Variants in OPA1 observed in about 807,000 individuals in gnomAD.
OPA1 encodes the protein dynamin-like GTPase OPA1, mitochondrial.
Under a neutral mutation model 152.9 loss-of-function variants are expected in OPA1, and 59 were observed. The observed-to-expected ratio is 0.39, with a 90% CI of 0.31 to 0.48. The LOEUF is 0.48. Among genes scored for constraint, OPA1 ranks in the 20% least tolerant of loss-of-function variants. The pLI, the probability that OPA1 is intolerant of heterozygous loss-of-function variation, is 0.96. For synonymous variants in OPA1, 400 were observed against 389.9 expected (o/e 1.03, Z -0.31); for missense variants, 1,008 against 1,216.8 (o/e 0.83, Z 2.55).
intron 29 of OPA1, among the ~76,000 whole-genome samples, chr3:193,674,199 C>T (rs903631749): frequency 2.0e-5 from 3 of 152,196 alleles, no homozygotes; most frequent in Admixed American, 1.3e-4. Context: ...TCTTCACTTT[C>T]CCAGTCTCCT....
intron 1 of OPA1, among the ~76,000 whole-genome samples, chr3:193,597,618 G>T (rs185802): frequency 2.7e-5 from 4 of 150,028 alleles, no homozygotes; most frequent in Non-Finnish European, 5.9e-5. Flanking sequence ...TTGAGCCCCA[G>T]AGGCGGAGGT....
At chr3:193,643,841 T>G (rs749749745) in intron 15 of OPA1, 134 bp from the exon 16 acceptor site, 23 of 1,057,398 alleles carry the variant, frequency 2.2e-5, no homozygotes, top group Non-Finnish European at 3.2e-5. Flanking sequence ...CTAGGATTTC[T>G]TTTTAGTAAA....
chr3:193,690,657 A>G (rs1721560398), intron 29 of OPA1, among the ~76,000 whole-genome samples: 1 of 152,186 alleles, frequency 6.6e-6, no homozygotes, highest in Non-Finnish European at 1.5e-5. Flanking sequence ...GGTACTCATC[A>G]CTAATAGCTG....
intron 21 of OPA1, among the ~76,000 whole-genome samples, chr3:193,654,312 A>G (rs995837550): frequency 6.6e-6 from 1 of 152,054 alleles, no homozygotes; most frequent in African/African-American, 2.4e-5. Flanking sequence ...CCTCAGCAAC[A>G]TAGTGAGACC....
rs933430871 is a variant in OPA1 at position 193,697,068 on chromosome 3, G to A, written c.*2468G>A. 2.6e-5 allele frequency: 4 copies of A among 152,152 alleles called. No homozygotes were observed. The highest frequency in any genetic ancestry group is 9.7e-5 in the African/African-American group (4 of 41,414). 9.4% of individuals were successfully genotyped at this position (152,152 alleles called of 1,614,324 possible). Reference sequence around the variant, plus strand: ...AATGAATGATATAAAAATAAGTAGGGAACATGGCAGAGAGTGGTGCTTCCC... The same window carrying A: ...AATGAATGATATAAAAATAAGTAGGAAACATGGCAGAGAGTGGTGCTTCCC... On this transcript the variant is annotated 3_prime_UTR_variant, in exon 31 of 31. Transcript: ENST00000361510.
At chr3:193,684,187 A>G (rs1179573542) in intron 29 of OPA1, among the ~76,000 whole-genome samples, 1 of 152,178 alleles carries the variant, frequency 6.6e-6, no homozygotes, top group Non-Finnish European at 1.5e-5. Flanking sequence ...GGGGCCCTTT[A>G]TTGTAATGTT....
chr3:193,612,345 T>G (rs1448376926), intron 1 of OPA1, among the ~76,000 whole-genome samples: 1 of 147,612 alleles, frequency 6.8e-6, no homozygotes, highest in Non-Finnish European at 1.5e-5. Flanking sequence ...GGACTCAGAG[T>G]ATGTAGGTAG....
At chr3:193,625,984 TA>T in intron 6 of OPA1, 107 bp from the exon 7 acceptor site, 1 of 847,272 alleles carries the variant, frequency 1.2e-6, no homozygotes, top group East Asian at 2.4e-5. Context: ...ATTTCTGTTT[TA>T]AGTTAACCAT....
chr3:193,649,199 T>C (rs1229216549), intron 21 of OPA1, among the ~76,000 whole-genome samples: 1 of 152,176 alleles, frequency 6.6e-6, no homozygotes, highest in African/African-American at 2.4e-5. Context: ...AATTGATTTA[T>C]AAAGGGAGTT....
At chr3:193,638,149 T>C in intron 11 of OPA1, 84 bp downstream of exon 11, 1 of 965,848 alleles carries the variant, frequency 1.0e-6, no homozygotes, top group South Asian at 1.4e-5. Context: ...AAATGAGGAC[T>C]TTTAACCAAA....
At chr3:193,618,706 A>G (rs1729480628) in intron 5 of OPA1, 163 bp from the exon 6 acceptor site, 12 of 638,144 alleles carry the variant, frequency 1.9e-5, no homozygotes, top group Non-Finnish European at 2.8e-5. Context: ...TGCACAGGTT[A>G]TCAGTCATGT....
chr3:193,609,302 A>C (rs1472409721), intron 1 of OPA1, among the ~76,000 whole-genome samples: 4 of 152,222 alleles, frequency 2.6e-5, no homozygotes, highest in African/African-American at 7.2e-5. Flanking sequence ...TATGAAGCTT[A>C]GTTTGGCTGG....
At chr3:193,645,055 G>A (rs1734335974) in intron 16 of OPA1, among the ~76,000 whole-genome samples, 1 of 151,712 alleles carries the variant, frequency 6.6e-6, no homozygotes, top group East Asian at 1.9e-4. Flanking sequence ...TTGAGAAGCA[G>A]TGGATCCAAA....
chr3:193,690,956 GT>G (rs1212385793), intron 29 of OPA1, among the ~76,000 whole-genome samples: 1 of 152,204 alleles, frequency 6.6e-6, no homozygotes, highest in Non-Finnish European at 1.5e-5. Flanking sequence ...GCTCACACCT[GT>G]AATCCCAGGA....
chr3:193,673,288 A>T (rs1248937400), intron 29 of OPA1, among the ~76,000 whole-genome samples: 1 of 152,218 alleles, frequency 6.6e-6, no homozygotes, highest in Non-Finnish European at 1.5e-5. Flanking sequence ...GATCGGAAAG[A>T]CATACATGTT....
intron 21 of OPA1, among the ~76,000 whole-genome samples, chr3:193,652,379 C>G (rs549015982): frequency 2.7e-5 from 4 of 149,800 alleles, no homozygotes; most frequent in Non-Finnish European, 4.4e-5. Flanking sequence ...GAGACCCTGT[C>G]TGAAAACAAA....
At chr3:193,672,128 T>A (rs1326843447) in intron 29 of OPA1, among the ~76,000 whole-genome samples, 1 of 152,252 alleles carries the variant, frequency 6.6e-6, no homozygotes, top group Non-Finnish European at 1.5e-5. Flanking sequence ...GTCCAATCTG[T>A]TTATTGAAAT....
intron 8 of OPA1, among the ~76,000 whole-genome samples, chr3:193,635,011 A>C (rs1305344724): frequency 6.6e-6 from 1 of 152,214 alleles, no homozygotes; most frequent in Non-Finnish European, 1.5e-5. Context: ...AATCTAAAAT[A>C]ATGTGAAGAA....
chr3:193,654,732 T>C, intron 21 of OPA1, 130 bp from the exon 22 acceptor site: 8 of 911,712 alleles, frequency 8.8e-6, no homozygotes, highest in Non-Finnish European at 1.4e-5. Context: ...TACAGGTATA[T>C]ACACATGTGA....
Sources: allele counts gnomAD v4.1 joint callset (sites outside exome capture counted in the v4.1 genomes callset), GRCh38; gene constraint gnomAD v4.1.1; transcripts MANE v1.5; gene names NCBI Gene and HGNC (gene_info 2026-07-23, HGNC 2026-07-21).